The following MAST4 variants were observed in gnomAD, a reference collection of about 807,000 sequenced individuals.
The protein encoded by MAST4 is microtubule associated serine/threonine kinase family member 4.
MAST4 carries 89 observed loss-of-function variants against 162.7 expected under a neutral mutation model. The ratio of observed to expected loss-of-function variants is 0.55; its 90% CI spans 0.46 to 0.65. MAST4 has a LOEUF of 0.65. Among genes scored for constraint, MAST4 ranks in the 30% least tolerant of loss-of-function variants. MAST4 has a pLI of 0.00. For missense variants in MAST4, 3,153 were observed against 3,374.0 expected, an observed-to-expected ratio of 0.93 and a Z score of 1.62; for synonymous variants, 1,479 against 1,361.1, an observed-to-expected ratio of 1.09 and a Z score of -1.91.
At chr5:67,108,234 A>G (rs1466009921) in intron 10 of MAST4, among the ~76,000 whole-genome samples, 1 of 152,200 alleles carries the variant, frequency 6.6e-6, no homozygotes, top group African/African-American at 2.4e-5. Context: ...AGACAATCCA[A>G]AATGTGTTTA....
At chr5:67,023,991 G>A (rs1298417905) in intron 4 of MAST4, among the ~76,000 whole-genome samples, 1 of 151,796 alleles carries the variant, frequency 6.6e-6, no homozygotes, top group Non-Finnish European at 1.5e-5. Flanking sequence ...TACATTTACA[G>A]TGCTGTGCAG....
At chr5:66,848,357 A>T (rs1253922636) in intron 3 of MAST4, among the ~76,000 whole-genome samples, 2 of 152,160 alleles carry the variant, frequency 1.3e-5, no homozygotes, top group Non-Finnish European at 2.9e-5. Flanking sequence ...TTTCAGTAAC[A>T]TTTGTCATAA....
chr5:66,833,053 A>T (rs1278284922), intron 3 of MAST4, among the ~76,000 whole-genome samples: 2 of 152,210 alleles, frequency 1.3e-5, no homozygotes. Context: ...TAGGGGATAA[A>T]AATGGCATGT....
At position 66,690,478 on chromosome 5, in the gene MAST4, C is replaced by T. The variant is rs147004903; in HGVS notation, c.364-69231C>T. Among the ~76,000 whole-genome samples the T allele has an allele frequency of 9.0e-3, 1,368 of 152,256 alleles. 20 individuals carry two copies. Among genetic ancestry groups the T allele is most frequent in the African/African-American group, 0.031 (1,300 of 41,540 alleles). ...TCTTCTAGTTATTGCTTCCCAGCCACGAGCTAAAATTTCAAATGCCACTGG... is the reference window on the plus strand; with the variant it reads ...TCTTCTAGTTATTGCTTCCCAGCCATGAGCTAAAATTTCAAATGCCACTGG... On this transcript the variant is annotated intron_variant, in intron 1 of 28. Coordinates refer to ENST00000403625, the MANE Select transcript of MAST4 (RefSeq NM_001164664.2).
chr5:66,795,193 A>G (rs1163642174), intron 3 of MAST4, among the ~76,000 whole-genome samples: 1 of 152,234 alleles, frequency 6.6e-6, no homozygotes, highest in Non-Finnish European at 1.5e-5. Flanking sequence ...AAATTGCTTA[A>G]CCAAAGTTGT....
intron 4 of MAST4, among the ~76,000 whole-genome samples, chr5:66,985,886 C>T (rs1487510755): frequency 6.6e-6 from 1 of 152,186 alleles, no homozygotes; most frequent in Non-Finnish European, 1.5e-5. Flanking sequence ...GCTTCATTGA[C>T]TCCTTGCATC....
At chr5:67,064,341 A>G (rs1759979938) in intron 5 of MAST4, among the ~76,000 whole-genome samples, 1 of 152,190 alleles carries the variant, frequency 6.6e-6, no homozygotes, top group Admixed American at 6.5e-5. Flanking sequence ...CCATCTTAAC[A>G]TCAAGTCAGC....
In MAST4 at chr5:66,715,552, G is replaced by A. The variant is rs529673644; in HGVS notation, c.364-44157G>A. Among the ~76,000 whole-genome samples the A allele has an allele frequency of 5.3e-5, 8 of 150,606 alleles. No homozygotes were observed. In the South Asian group the frequency reaches 1.7e-3, roughly 32 times the overall value. On this transcript the variant is annotated intron_variant, in intron 1 of 28. Transcript: ENST00000403625. ...GGGGGAGGGGGGAGGTATAGCATTA[G>A]GAGATATACCTAATGCTAAATGACG...
chr5:67,042,680 G>A (rs2150496537), intron 4 of MAST4, among the ~76,000 whole-genome samples: 1 of 152,274 alleles, frequency 6.6e-6, no homozygotes, highest in African/African-American at 2.4e-5. Flanking sequence ...TTTTCCTGTT[G>A]CTTCTCCATT....
chr5:66,958,844 T>G (rs1471047252), intron 4 of MAST4: 1 of 180,892 alleles, frequency 5.5e-6, no homozygotes, highest in Non-Finnish European at 1.2e-5. Flanking sequence ...TGAGATAAAC[T>G]CTTTTACAAG....
At chr5:66,893,178 ATT>A (rs1279415811) in intron 3 of MAST4, among the ~76,000 whole-genome samples, 5 of 151,906 alleles carry the variant, frequency 3.3e-5, no homozygotes, top group Admixed American at 2.0e-4. Context: ...TTTGTGGTTT[ATT>A]TTGTTTTTGT....
chr5:67,143,227 C>T (rs1434910965), intron 21 of MAST4, among the ~76,000 whole-genome samples: 1 of 151,312 alleles, frequency 6.6e-6, no homozygotes, highest in Admixed American at 6.6e-5. Context: ...TCAAGACCAG[C>T]CCGGGCAATA....
intron 1 of MAST4, among the ~76,000 whole-genome samples, chr5:66,635,946 GTTTTTT>G (rs530576186): frequency 0.018 from 726 of 41,138 alleles, no homozygotes; most frequent in African/African-American, 0.055. Flanking sequence ...GATAGAGACT[GTTTTTT>G]TTTTTTTTTT....
At chr5:67,148,276 A>C (rs1244467102) in intron 23 of MAST4, among the ~76,000 whole-genome samples, 1 of 152,232 alleles carries the variant, frequency 6.6e-6, no homozygotes, top group Non-Finnish European at 1.5e-5. Context: ...TAGAAGTAAA[A>C]TGAGATGAGC....
intron 10 of MAST4, 77 bp from the exon 11 acceptor site, chr5:67,110,021 T>G (rs1766043542): frequency 9.9e-7 from 1 of 1,009,838 alleles, no homozygotes; most frequent in African/African-American, 1.6e-5. Context: ...ATGATCTAAT[T>G]AGCATGCTTT....
chr5:66,726,702 C>T lies in MAST4; in HGVS notation c.364-33007C>T, dbSNP rs191220575. On this transcript the variant is annotated intron_variant, in intron 1 of 28. Coordinates refer to ENST00000403625, the MANE Select transcript of MAST4 (RefSeq NM_001164664.2). ...CCTAGGTCATACAGCAGGAGGTAAG[C>T]GACGAGCAAATGAGCATTATCACCT... 4.6e-5 allele frequency among the ~76,000 whole-genome samples: 7 copies of T among 152,130 alleles called. No homozygotes were observed. The East Asian group carries it at 1.2e-3, about 25-fold the overall frequency.
chr5:66,611,361 A>G (rs1159819482), intron 1 of MAST4, among the ~76,000 whole-genome samples: 2 of 152,222 alleles, frequency 1.3e-5, no homozygotes, highest in African/African-American at 2.4e-5. Context: ...TTGTGGACGG[A>G]TGTCTGCATC....
chr5:67,027,861 A>G (rs1754851495), intron 4 of MAST4, among the ~76,000 whole-genome samples: 1 of 152,176 alleles, frequency 6.6e-6, no homozygotes, highest in African/African-American at 2.4e-5. Context: ...GAAGCTTGGA[A>G]TTTGGAGCTG....
intron 4 of MAST4, among the ~76,000 whole-genome samples, chr5:66,973,085 A>G (rs973944644): frequency 2.6e-5 from 4 of 151,838 alleles, no homozygotes; most frequent in Non-Finnish European, 4.4e-5. Flanking sequence ...CCCTAGATGT[A>G]TTTAAACATT....
Sources: gnomAD v4.1 joint callset for allele counts (sites outside exome capture counted in the v4.1 genomes callset) on GRCh38, gnomAD v4.1.1 for gene constraint, MANE v1.5 for transcripts, NCBI Gene and HGNC (gene_info 2026-07-23, HGNC 2026-07-21) for gene names.